Variants in NFKB1 observed in about 807,000 individuals in gnomAD.
The protein encoded by NFKB1 is nuclear factor kappa B subunit 1.
Under a neutral mutation model 105.1 loss-of-function variants are expected in NFKB1, and 9 were observed. The observed-to-expected ratio is 0.09, with a 90% CI of 0.05 to 0.15. NFKB1 has a LOEUF of 0.15. Ranked by LOEUF, NFKB1 falls within the 10% of genes least tolerant of loss-of-function variation. NFKB1 has a pLI of 1.00. For missense variants in NFKB1, 830 were observed against 1,203.7 expected (o/e 0.69, Z 4.59); for synonymous variants, 440 against 442.2 (o/e 1.00, Z 0.06).
rs374536762 is a variant in NFKB1, at chr4:102,612,563, G to A, written c.2549G>A (p.Arg850Gln). 1.5e-5 allele frequency: 25 copies of A among 1,613,828 alleles called. No homozygotes were observed. The highest frequency in any genetic ancestry group is 6.7e-5 in the Admixed American group (4 of 60,006). Residue 850 changes from arginine (R) to glutamine (Q), a missense_variant, in exon 22 of 24, where the codon CGG becomes CAG. Physicochemically the swap from Arg to Gln is conservative, Grantham distance 43. This residue lies in a region of NFKB1 where 418 missense variants were observed against 575.3 expected (regional missense o/e 0.73). Transcript: ENST00000226574. The stretch of plus-strand genomic sequence containing the variant: ...CTGGGGATACTTAATAATGCCTTCC[G>A]GCTGAGTCCTGCTCCTTCCAAAACA... ...LGLGILNNAF[R>Q]LSPAPSKTLM...
intron 1 of NFKB1, among the ~76,000 whole-genome samples, chr4:102,513,574 C>G (rs982972736): frequency 1.3e-5 from 2 of 152,098 alleles, no homozygotes; most frequent in Non-Finnish European, 2.9e-5. Flanking sequence ...TCCCTGTCCC[C>G]CATGATTATA....
At chr4:102,519,022 G>A (rs1740390484) in intron 1 of NFKB1, among the ~76,000 whole-genome samples, 1 of 152,010 alleles carries the variant, frequency 6.6e-6, no homozygotes, top group Non-Finnish European at 1.5e-5. Context: ...GTTTCCTCTT[G>A]TTGAGTGGCA....
At chr4:102,504,233 T>G (rs1472282236) in intron 1 of NFKB1, among the ~76,000 whole-genome samples, 1 of 152,218 alleles carries the variant, frequency 6.6e-6, no homozygotes, top group Non-Finnish European at 1.5e-5. Flanking sequence ...CGGGTCTTAG[T>G]AGATGTGCTA....
intron 1 of NFKB1, among the ~76,000 whole-genome samples, chr4:102,502,392 A>ACG (rs1560622471): frequency 2.5e-5 from 1 of 40,672 alleles, no homozygotes; most frequent in African/African-American, 1.4e-4. Context: ...GCGCGCGCGC[A>ACG]CACACACACA....
intron 10 of NFKB1, 97 bp from the exon 11 acceptor site, chr4:102,584,585 A>C: frequency 7.9e-7 from 1 of 1,259,500 alleles, no homozygotes; most frequent in Non-Finnish European, 1.1e-6. Flanking sequence ...CATTGGGTAT[A>C]AAGAAAAGCA....
At chr4:102,506,300 T>C (rs1458536362) in intron 1 of NFKB1, among the ~76,000 whole-genome samples, 1 of 152,236 alleles carries the variant, frequency 6.6e-6, no homozygotes, top group Non-Finnish European at 1.5e-5. Flanking sequence ...CACTGCTTGG[T>C]AATCTAAGAA....
chr4:102,547,231 G>T (rs924724950), intron 5 of NFKB1, among the ~76,000 whole-genome samples: 1 of 152,108 alleles, frequency 6.6e-6, no homozygotes, highest in Non-Finnish European at 1.5e-5. Flanking sequence ...AAACCAAGTC[G>T]AATTTTTAAA....
rs144936604 is a variant in NFKB1 at position 102,514,929 on chromosome 4, TG to T, written c.-7-10582del. The stretch of plus-strand genomic sequence containing the variant: ...GCCTGCTTTTCTTATATTTAGCATT[TG>T]CATGATATAACTAGCCCAGTGTACC... On this transcript the variant is annotated intron_variant, in intron 1 of 23. Transcript: ENST00000226574. Among the ~76,000 whole-genome samples the T allele has an allele frequency of 9.0e-4, 137 of 152,214 alleles. 1 individual carries two copies. Among genetic ancestry groups the T allele is most frequent in the Admixed American group, 2.7e-3 (41 of 15,294 alleles).
At chr4:102,534,034 A>G (rs1418275830) in intron 4 of NFKB1, 149 bp downstream of exon 4, 1 of 688,852 alleles carries the variant, frequency 1.5e-6, no homozygotes, top group Non-Finnish European at 2.4e-6. Context: ...AGCTTTATTC[A>G]TTCACTTTAC....
chr4:102,555,247 A>G (rs1722898766), intron 5 of NFKB1, among the ~76,000 whole-genome samples: 1 of 152,176 alleles, frequency 6.6e-6, no homozygotes, highest in South Asian at 2.1e-4. Flanking sequence ...GCCTTTCCTA[A>G]TGTTGCCTGG....
At chr4:102,613,837 A>G (rs1728676432) in intron 23 of NFKB1, among the ~76,000 whole-genome samples, 2 of 152,198 alleles carry the variant, frequency 1.3e-5, no homozygotes, top group South Asian at 4.1e-4. Context: ...AATACTAAAA[A>G]CAACATGATG....
intron 22 of NFKB1, among the ~76,000 whole-genome samples, chr4:102,612,852 A>G (rs1282419157): frequency 6.6e-6 from 1 of 151,932 alleles, no homozygotes; most frequent in Admixed American, 6.6e-5. Context: ...TGCTACGTAG[A>G]GGGTCAGGAT....
chr4:102,557,693 AC>A (rs1250854530), intron 5 of NFKB1, among the ~76,000 whole-genome samples: 1 of 152,156 alleles, frequency 6.6e-6, no homozygotes, highest in Non-Finnish European at 1.5e-5. Context: ...TGGTGCCAAG[AC>A]TCATCAGTAC....
At chr4:102,526,680 A>G (rs1740934910) in intron 2 of NFKB1, among the ~76,000 whole-genome samples, 1 of 152,164 alleles carries the variant, frequency 6.6e-6, no homozygotes, top group African/African-American at 2.4e-5. Context: ...GTAAAATAGA[A>G]ATGCTAGCAC....
intron 2 of NFKB1, among the ~76,000 whole-genome samples, chr4:102,528,285 A>G (rs1741057338): frequency 6.6e-6 from 1 of 152,064 alleles, no homozygotes; most frequent in Non-Finnish European, 1.5e-5. Context: ...AATGAGGCCC[A>G]TTTTTGCAGA....
rs2149220801 is a variant in NFKB1 at position 102,606,606 on chromosome 4, C to T, written c.1863C>T (p.His621=). 1 of 1,614,162 alleles carries T rather than the reference C, an allele frequency of 6.2e-7. No individual in the cohort carries two copies. Among genetic ancestry groups the T allele is most frequent in the Non-Finnish European group, 8.5e-7 (1 of 1,180,034 alleles). ...LLDRLGNSVL[H]LAAKEGHDKV... ...ACCGCTTGGGTAACTCTGTTTTGCA[C>T]CTAGCTGCCAAAGAAGGACATGATA... The change falls in exon 17 of 24, where the codon CAC becomes CAT. Residue 621 remains histidine, a synonymous_variant. Coordinates refer to ENST00000226574, the MANE Select transcript of NFKB1 (RefSeq NM_003998.4).
intron 15 of NFKB1, among the ~76,000 whole-genome samples, chr4:102,598,419 A>AGAAATCCTTT (rs1483639651): frequency 6.6e-6 from 1 of 152,344 alleles, no homozygotes; most frequent in African/African-American, 2.4e-5. Flanking sequence ...ATCAACATAG[A>AGAAATCCTTT]GAAATCCTTT....
At chr4:102,548,646 T>C (rs965813572) in intron 5 of NFKB1, among the ~76,000 whole-genome samples, 6 of 152,200 alleles carry the variant, frequency 3.9e-5, no homozygotes, top group Non-Finnish European at 8.8e-5. Flanking sequence ...TCCAATATCA[T>C]GGTCTTCGCA....
Position 102,569,693 on chromosome 4 carries a change from A to G in NFKB1, c.407+2558A>G, listed in dbSNP as rs535822167. Among the ~76,000 whole-genome samples the G allele has an allele frequency of 5.9e-5, 9 of 152,268 alleles. No individual in the cohort carries two copies. The South Asian group carries it at 1.7e-3, about 28-fold the overall frequency. ...AAATAACTTTTAAATTGTCAAAACCAAAAGAATTACTTTCTTTGGAGTGTT... is the reference window on the plus strand; with the variant it reads ...AAATAACTTTTAAATTGTCAAAACCGAAAGAATTACTTTCTTTGGAGTGTT... On this transcript the variant is annotated intron_variant, in intron 6 of 23. Transcript: ENST00000226574.
Sources: allele counts gnomAD v4.1 joint callset (sites outside exome capture counted in the v4.1 genomes callset), GRCh38; gene constraint gnomAD v4.1.1; regional missense constraint gnomAD v4.1.1; transcripts MANE v1.5; gene names NCBI Gene and HGNC (gene_info 2026-07-23, HGNC 2026-07-21).